DLGAP1: variants seen among roughly 807,000 people sequenced by gnomAD.
DLGAP1 encodes the protein disks large-associated protein 1.
In DLGAP1, 11 loss-of-function variants were observed where a neutral mutation model predicts 90.8. The ratio of observed to expected loss-of-function variants is 0.12; its 90% CI spans 0.08 to 0.20. The LOEUF (loss-of-function observed/expected upper bound fraction) is 0.20, where lower values mean the gene tolerates loss of function less well. Ranked by LOEUF, DLGAP1 falls within the 10% of genes least tolerant of loss-of-function variation. The pLI is 1.00. For missense variants in DLGAP1, 1,050 were observed against 1,333.8 expected (o/e 0.79, Z 3.31); for synonymous variants, 558 against 540.7 (o/e 1.03, Z -0.44).
intron 5 of DLGAP1, among the ~76,000 whole-genome samples, chr18:3,796,807 A>G (rs2066011381): frequency 6.6e-6 from 1 of 152,192 alleles, no homozygotes; most frequent in Admixed American, 6.5e-5. Flanking sequence ...GCATTTACTC[A>G]TAGTTTCTTC....
At chr18:3,772,401 T>TC (rs2064710270) in intron 5 of DLGAP1, among the ~76,000 whole-genome samples, 2 of 42,448 alleles carry the variant, frequency 4.7e-5, no homozygotes, top group African/African-American at 1.4e-4. Flanking sequence ...TCTTTCTTTC[T>TC]TTCTTTCTCT....
chr18:3,567,085 A>AT (rs199762813), intron 9 of DLGAP1, among the ~76,000 whole-genome samples: 1 of 124,926 alleles, frequency 8.0e-6, no homozygotes, highest in Non-Finnish European at 1.7e-5. Context: ...TCATTCATTC[A>AT]TCATTCATTG....
rs1433153973 is a variant in DLGAP1 at position 4,112,648 on chromosome 18, T to C, written c.-159+38532A>G. 2.6e-5 allele frequency among the ~76,000 whole-genome samples: 4 copies of C among 152,184 alleles called. No individual in the cohort carries two copies. In the East Asian group the frequency reaches 7.7e-4, roughly 29 times the overall value. Reference sequence around the variant, plus strand: ...TTTTATCTTAGATTTAGGGTATACATGTGCAGGTTTGTTACCTGGGAATAT... The same window carrying C: ...TTTTATCTTAGATTTAGGGTATACACGTGCAGGTTTGTTACCTGGGAATAT... On this transcript the variant is annotated intron_variant, in intron 2 of 12. Coordinates refer to ENST00000315677, the MANE Select transcript of DLGAP1 (RefSeq NM_004746.4).
rs77966578 is a variant in DLGAP1 at position 3,772,784 on chromosome 18, G to C, written c.1173-30272C>G. Among the ~76,000 whole-genome samples the C allele has an allele frequency of 2.0e-5, 3 of 152,122 alleles. No individual in the cohort carries two copies. In the East Asian group the frequency reaches 5.8e-4, roughly 29 times the overall value. On this transcript the variant is annotated intron_variant, in intron 5 of 12. Coordinates refer to ENST00000315677, the MANE Select transcript of DLGAP1 (RefSeq NM_004746.4). Reference sequence around the variant, plus strand: ...AGCTTGTTAGGCATGCAGAATCACAGGCCCCACTTCAGACCCGCTAAATTA... The same window carrying C: ...AGCTTGTTAGGCATGCAGAATCACACGCCCCACTTCAGACCCGCTAAATTA...
At chr18:3,967,665 A>C (rs533579127) in intron 3 of DLGAP1, among the ~76,000 whole-genome samples, 95 of 152,342 alleles carry the variant, frequency 6.2e-4, no homozygotes, top group African/African-American at 2.2e-3. Context: ...AACAGATGTA[A>C]TGGTAGTATT....
chr18:3,670,722 G>A (rs2060058183), intron 7 of DLGAP1, among the ~76,000 whole-genome samples: 1 of 152,200 alleles, frequency 6.6e-6, no homozygotes, highest in African/African-American at 2.4e-5. Context: ...GTGCTTAAAT[G>A]TAAGTCACAA....
chr18:4,358,274 A>C (rs1251405293), intron 1 of DLGAP1, among the ~76,000 whole-genome samples: 1 of 152,256 alleles, frequency 6.6e-6, no homozygotes, highest in Non-Finnish European at 1.5e-5. Flanking sequence ...TAAGATGATA[A>C]ATGACTGAAA....
intron 4 of DLGAP1, chr18:3,874,814 AG>A: frequency 1.5e-6 from 2 of 1,366,392 alleles, no homozygotes; most frequent in Non-Finnish European, 1.9e-6. Context: ...TGGAAAAAAA[AG>A]GAGTCCCTTT....
intron 2 of DLGAP1, among the ~76,000 whole-genome samples, chr18:4,027,299 A>G (rs1416020253): frequency 6.6e-6 from 1 of 151,956 alleles, no homozygotes; most frequent in African/African-American, 2.4e-5. Context: ...GGAGGCCAGG[A>G]GTTCGAGACT....
intron 5 of DLGAP1, among the ~76,000 whole-genome samples, chr18:3,754,797 G>A (rs1217893939): frequency 6.6e-6 from 1 of 151,742 alleles, no homozygotes; most frequent in Non-Finnish European, 1.5e-5. Context: ...TTGGGAGGCT[G>A]AGGCAGGAGA....
At chr18:4,130,760 G>A (rs993575773) in intron 2 of DLGAP1, among the ~76,000 whole-genome samples, 5 of 152,110 alleles carry the variant, frequency 3.3e-5, no homozygotes, top group African/African-American at 1.2e-4. Context: ...CGAGGGAGCC[G>A]TTACAGGTAA....
chr18:4,435,113 A>G (rs2083372127), intron 1 of DLGAP1, among the ~76,000 whole-genome samples: 1 of 152,194 alleles, frequency 6.6e-6, no homozygotes, highest in Non-Finnish European at 1.5e-5. Context: ...ATGTAACTTC[A>G]GAGAATAGTT....
intron 5 of DLGAP1, chr18:3,774,801 C>T (rs1351200988): frequency 6.6e-6 from 1 of 152,204 alleles, no homozygotes; most frequent in African/African-American, 2.4e-5. Flanking sequence ...TCTCTGAGCT[C>T]CCAGTCCCAG....
At chr18:3,852,080 C>T (rs1227197654) in intron 4 of DLGAP1, among the ~76,000 whole-genome samples, 1 of 152,086 alleles carries the variant, frequency 6.6e-6, no homozygotes, top group Non-Finnish European at 1.5e-5. Context: ...ATATGCATAG[C>T]TGTGATCTCA....
In DLGAP1 at chr18:3,775,111, A is replaced by G. The variant is rs559020529; in HGVS notation, c.1173-32599T>C. On this transcript the variant is annotated intron_variant, in intron 5 of 12. Coordinates refer to ENST00000315677, the MANE Select transcript of DLGAP1 (RefSeq NM_004746.4). This position sits in a 1 kb window ranked among gnomAD's most constrained non-coding sequence, Gnocchi z 4.9. ...AGGTCACTGTGTGTTCTTTAAGCCC[A>G]TTGAACTCTCCTAAAAATCATTTAG... Among the ~76,000 whole-genome samples the G allele has an allele frequency of 6.6e-6, 1 of 152,284 alleles. No individual in the cohort carries two copies. Among genetic ancestry groups the G allele is most frequent in the Non-Finnish European group, 1.5e-5 (1 of 68,008 alleles).
At chr18:3,641,759 T>C (rs902397471) in intron 7 of DLGAP1, among the ~76,000 whole-genome samples, 5 of 152,080 alleles carry the variant, frequency 3.3e-5, no homozygotes, top group Non-Finnish European at 5.9e-5. Flanking sequence ...ATAGCAGTCC[T>C]GTAAGGGCAT....
At chr18:4,317,151 C>G (rs2143541597) in intron 1 of DLGAP1, among the ~76,000 whole-genome samples, 1 of 152,304 alleles carries the variant, frequency 6.6e-6, no homozygotes, top group Admixed American at 6.5e-5. Flanking sequence ...GCGCTGGATG[C>G]CTTCCTATTT....
chr18:3,930,979 C>A (rs2072502993), intron 3 of DLGAP1, among the ~76,000 whole-genome samples: 1 of 152,290 alleles, frequency 6.6e-6, no homozygotes, highest in Non-Finnish European at 1.5e-5. Context: ...CCTAACTACC[C>A]GTCTCCACCA....
intron 1 of DLGAP1, chr18:4,248,495 T>A (rs916538250): frequency 2.0e-5 from 3 of 152,216 alleles, no homozygotes; most frequent in African/African-American, 7.2e-5. Flanking sequence ...TTTTAACATT[T>A]TCTTATAGAG....
Sources: allele counts gnomAD v4.1 joint callset (sites outside exome capture counted in the v4.1 genomes callset), GRCh38; gene constraint gnomAD v4.1.1; non-coding constraint Gnocchi (gnomAD v3.1); transcripts MANE v1.5; gene names NCBI Gene and HGNC (gene_info 2026-07-23, HGNC 2026-07-21).